Variants in TSNARE1 observed in about 807,000 individuals in gnomAD.
The protein encoded by TSNARE1 is t-SNARE domain-containing protein 1.
In TSNARE1, 49 loss-of-function variants were observed where a neutral mutation model predicts 62.0. The ratio of observed to expected loss-of-function variants is 0.79; its 90% CI spans 0.63 to 1.00. The LOEUF (loss-of-function observed/expected upper bound fraction) is 1.00. Among genes scored for constraint, TSNARE1 ranks in the 50% least tolerant of loss-of-function variants. The pLI is 0.00. For missense variants in TSNARE1, 755 were observed against 700.1 expected (o/e 1.08, Z -0.88); for synonymous variants, 328 against 294.4 (o/e 1.11, Z -1.17).
chr8:142,344,781 C>T (rs990632045), intron 3 of TSNARE1, among the ~76,000 whole-genome samples: 1 of 152,240 alleles, frequency 6.6e-6, no homozygotes, highest in African/African-American at 2.4e-5. Flanking sequence ...GCCGAGCAGG[C>T]TAGGTTGCGG....
At chr8:142,288,276 C>T (rs778308726) in intron 10 of TSNARE1, among the ~76,000 whole-genome samples, 1 of 152,206 alleles carries the variant, frequency 6.6e-6, no homozygotes, top group Non-Finnish European at 1.5e-5. Flanking sequence ...GTTCCAGGCA[C>T]GCCTCTGTGC....
intron 1 of TSNARE1, among the ~76,000 whole-genome samples, chr8:142,388,574 T>C (rs1376082976): frequency 1.4e-5 from 2 of 145,964 alleles, no homozygotes; most frequent in South Asian, 2.2e-4. Context: ...TTTTTTTTTT[T>C]TGAGACAGAG....
intron 10 of TSNARE1, among the ~76,000 whole-genome samples, chr8:142,287,125 G>A (rs73714110): frequency 6.6e-6 from 1 of 152,146 alleles, no homozygotes; most frequent in African/African-American, 2.4e-5. Context: ...CCTCCAGGAT[G>A]TGGAACCCAG....
At chr8:142,226,261 G>A (rs1008909649) in intron 13 of TSNARE1, among the ~76,000 whole-genome samples, 1 of 152,194 alleles carries the variant, frequency 6.6e-6, no homozygotes, top group African/African-American at 2.4e-5. Flanking sequence ...GGCTGCACCA[G>A]TGTGGGCGAG....
At chr8:142,401,811 A>G (rs990253965) in intron 1 of TSNARE1, among the ~76,000 whole-genome samples, 6 of 152,148 alleles carry the variant, frequency 3.9e-5, no homozygotes, top group African/African-American at 1.2e-4. Flanking sequence ...GCTGTGTCCA[A>G]ACATTTGTTC....
intron 4 of TSNARE1, among the ~76,000 whole-genome samples, chr8:142,339,631 C>T (rs952639905): frequency 6.6e-6 from 1 of 152,238 alleles, no homozygotes; most frequent in African/African-American, 2.4e-5. Flanking sequence ...CCCCAAGCTG[C>T]CATGCCAGCA....
chr8:142,240,429 A>G (rs551037018), intron 12 of TSNARE1, among the ~76,000 whole-genome samples: 1 of 152,378 alleles, frequency 6.6e-6, no homozygotes, highest in South Asian at 2.1e-4. Flanking sequence ...CTCTCAATTT[A>G]TGATAGGTCA....
At chr8:142,294,933 TGCC>T (rs1166913811) in intron 10 of TSNARE1, among the ~76,000 whole-genome samples, 1 of 152,166 alleles carries the variant, frequency 6.6e-6, no homozygotes, top group Non-Finnish European at 1.5e-5. Context: ...GCCAGGAGGC[TGCC>T]AGCCGCCAGC....
At chr8:142,306,870 A>C (rs1826778185) in intron 9 of TSNARE1, among the ~76,000 whole-genome samples, 1 of 152,198 alleles carries the variant, frequency 6.6e-6, no homozygotes, top group Non-Finnish European at 1.5e-5. Flanking sequence ...GGTGCAAAGG[A>C]TATAGCTCTA....
Position 142,212,156 on chromosome 8 carries a change from A to C in TSNARE1, c.*169T>G, listed in dbSNP as rs540935089. On this transcript the variant is annotated 3_prime_UTR_variant, in exon 14 of 14. Coordinates refer to ENST00000524325, the MANE Select transcript of TSNARE1 (RefSeq NM_145003.5). ...GCGAGTGGGGTCAGTGCAGGGGAGG[A>C]CAGCAGGCAGCTGTGAAGCTCTCGG... 1 of 152,474 alleles carries C rather than the reference A, an allele frequency of 6.6e-6. No homozygotes were observed. Among genetic ancestry groups the C allele is most frequent in the African/African-American group, 2.4e-5 (1 of 41,554 alleles). The allele number at this position is 152,474 out of a possible 1,614,324, so 9.4% of individuals were successfully genotyped here. A position where few individuals can be genotyped will look rare whatever the true frequency, so the allele number is the denominator to read the frequency against.
At chr8:142,275,101 T>C in intron 11 of TSNARE1, 7 of 985,268 alleles carry the variant, frequency 7.1e-6, no homozygotes, top group Non-Finnish European at 8.4e-6. Context: ...GACTCCTCAG[T>C]GCCCACACCA....
intron 1 of TSNARE1, among the ~76,000 whole-genome samples, chr8:142,382,873 C>A (rs76941099): frequency 6.6e-6 from 1 of 152,212 alleles, no homozygotes; most frequent in Non-Finnish European, 1.5e-5. Flanking sequence ...ACGGAGTGGG[C>A]CCGGCCCTCG....
intron 13 of TSNARE1, among the ~76,000 whole-genome samples, chr8:142,216,030 C>T (rs576256822): frequency 2.7e-4 from 41 of 152,294 alleles, no homozygotes; most frequent in East Asian, 9.7e-4. Flanking sequence ...TGGCATCTGC[C>T]GGCTGAGTGG....
At chr8:142,347,627 G>A (rs548718536) in intron 2 of TSNARE1, among the ~76,000 whole-genome samples, 16 of 152,274 alleles carry the variant, frequency 1.1e-4, no homozygotes, top group Non-Finnish European at 2.2e-4. Flanking sequence ...AGGCCCTGCT[G>A]TCACTCAAGG....
At chr8:142,313,162 G>C (rs1354027526) in intron 9 of TSNARE1, among the ~76,000 whole-genome samples, 1 of 152,014 alleles carries the variant, frequency 6.6e-6, no homozygotes, top group Non-Finnish European at 1.5e-5. Context: ...GTCTATCTGT[G>C]TCTCTGTGTG....
At chr8:142,227,834 G>T (rs1178024020) in intron 13 of TSNARE1, among the ~76,000 whole-genome samples, 1 of 152,260 alleles carries the variant, frequency 6.6e-6, no homozygotes, top group African/African-American at 2.4e-5. Flanking sequence ...CATTCCTCAG[G>T]AGGCTACAGG....
At chr8:142,338,286 C>T (rs1054806028) in intron 4 of TSNARE1, among the ~76,000 whole-genome samples, 1 of 152,248 alleles carries the variant, frequency 6.6e-6, no homozygotes, top group Non-Finnish European at 1.5e-5. Flanking sequence ...CTCTGATGAA[C>T]ACTCGGCCGT....
At chr8:142,256,090 ACT>A (rs1209855532) in intron 12 of TSNARE1, among the ~76,000 whole-genome samples, 92 of 60,862 alleles carry the variant, frequency 1.5e-3, no homozygotes, top group Admixed American at 3.1e-3. Flanking sequence ...CACCACCACC[ACT>A]GTCAGCATCA....
At position 142,264,358 on chromosome 8, in the gene TSNARE1, G is replaced by A. The variant is rs1310132155; in HGVS notation, c.1446+10423C>T. Among the ~76,000 whole-genome samples, 3 of 152,152 alleles carry A rather than the reference G, an allele frequency of 2.0e-5. No individual in the cohort carries two copies. The East Asian group carries it at 5.8e-4, about 29-fold the overall frequency. ...CTCTTGCTTTATGACCTAGTCCATGGTCAAAATCTGGAAATATTCCGGTTG... is the reference window on the plus strand; with the variant it reads ...CTCTTGCTTTATGACCTAGTCCATGATCAAAATCTGGAAATATTCCGGTTG... On this transcript the variant is annotated intron_variant, in intron 12 of 13. Coordinates refer to ENST00000524325, the MANE Select transcript of TSNARE1 (RefSeq NM_145003.5).
Sources: allele counts gnomAD v4.1 joint callset (sites outside exome capture counted in the v4.1 genomes callset), GRCh38; gene constraint gnomAD v4.1.1; transcripts MANE v1.5; gene names NCBI Gene and HGNC (gene_info 2026-07-23, HGNC 2026-07-21).